The following KAZN variants were observed in gnomAD, a reference collection of about 807,000 sequenced individuals.
KAZN encodes the protein kazrin, periplakin interacting protein.
KAZN carries 40 observed loss-of-function variants against 87.4 expected under a neutral mutation model. The observed-to-expected ratio is 0.46, with a 90% confidence interval of 0.36 to 0.60. The LOEUF (loss-of-function observed/expected upper bound fraction) is 0.60. Ranked by LOEUF, KAZN falls within the 20% of genes least tolerant of loss-of-function variation. The pLI is 0.00. For missense variants in KAZN, 898 were observed against 1,073.9 expected (o/e 0.84, Z 2.29); for synonymous variants, 466 against 458.3 (o/e 1.02, Z -0.22).
chr1:14,617,186 T>C (rs1678316664), intron 1 of KAZN, among the ~76,000 whole-genome samples: 1 of 152,222 alleles, frequency 6.6e-6, no homozygotes, highest in Non-Finnish European at 1.5e-5. Flanking sequence ...GGCTGTTCTA[T>C]GATACAGGCA....
At chr1:14,969,963 G>A (rs1278331882) in intron 2 of KAZN, among the ~76,000 whole-genome samples, 4 of 152,016 alleles carry the variant, frequency 2.6e-5, no homozygotes, top group South Asian at 2.1e-4. Context: ...ACAGGCGCCC[G>A]CCACCACGCC....
intron 1 of KAZN, among the ~76,000 whole-genome samples, chr1:14,103,859 G>T (rs1182453530): frequency 6.6e-6 from 1 of 152,240 alleles, no homozygotes; most frequent in East Asian, 1.9e-4. Flanking sequence ...CGGAGACATC[G>T]TTGGGGGCCA....
chr1:14,544,351 T>TTTTTTTTTTTTTTTTTTG (rs1673003363), intron 2 of KAZN, among the ~76,000 whole-genome samples: 1 of 19,592 alleles, frequency 5.1e-5, no homozygotes, highest in Non-Finnish European at 1.3e-4. Context: ...TCTTTCTTTC[T>TTTTTTTTTTTTTTTTTTG]TTTTTTTTTT....
chr1:14,998,270 T>G (rs1054229161), intron 2 of KAZN, among the ~76,000 whole-genome samples: 5 of 152,218 alleles, frequency 3.3e-5, no homozygotes, highest in African/African-American at 1.2e-4. Flanking sequence ...GGTTTGGGAA[T>G]CCGCTGCAAT....
At chr1:13,985,350 T>C (rs1570456200) in intron 1 of KAZN, among the ~76,000 whole-genome samples, 2 of 151,950 alleles carry the variant, frequency 1.3e-5, no homozygotes, top group African/African-American at 2.4e-5. Flanking sequence ...ATGTGGCACA[T>C]ATACACCATG....
chr1:15,051,343 G>A (rs894486838), intron 4 of KAZN, among the ~76,000 whole-genome samples: 1 of 152,226 alleles, frequency 6.6e-6, no homozygotes, highest in East Asian at 1.9e-4. Flanking sequence ...CAGCCAAAAG[G>A]CAGGTGAGGG....
chr1:14,170,744 C>T (rs201384161), intron 1 of KAZN, among the ~76,000 whole-genome samples: 1 of 151,404 alleles, frequency 6.6e-6, no homozygotes, highest in Non-Finnish European at 1.5e-5. Flanking sequence ...TTTTCTGAGA[C>T]AGAGTCTCAC....
At chr1:13,940,102 G>A (rs546638270) in intron 1 of KAZN, among the ~76,000 whole-genome samples, 2 of 152,016 alleles carry the variant, frequency 1.3e-5, no homozygotes, top group African/African-American at 4.8e-5. Context: ...TTCTTTTTTT[G>A]TTGCATCCTT....
At chr1:14,060,381 A>G (rs911443790) in intron 1 of KAZN, among the ~76,000 whole-genome samples, 1 of 148,548 alleles carries the variant, frequency 6.7e-6, no homozygotes, top group African/African-American at 2.5e-5. Flanking sequence ...AAAAAAAAAA[A>G]AAGAATGAGG....
At chr1:14,745,262 G>GAAA (rs528235060) in intron 1 of KAZN, among the ~76,000 whole-genome samples, 3 of 99,362 alleles carry the variant, frequency 3.0e-5, no homozygotes, top group African/African-American at 1.0e-4. Flanking sequence ...AGAAAAAAAG[G>GAAA]AAAAAAAAAA....
intron 2 of KAZN, among the ~76,000 whole-genome samples, chr1:14,535,526 C>T (rs547793425): frequency 3.3e-5 from 5 of 151,996 alleles, no homozygotes; most frequent in Admixed American, 6.6e-5. Flanking sequence ...CTTAGCTGGG[C>T]GTGGTGGCGC....
At chr1:14,628,745 G>A (rs543616392) in intron 1 of KAZN, among the ~76,000 whole-genome samples, 5 of 152,262 alleles carry the variant, frequency 3.3e-5, no homozygotes, top group East Asian at 1.9e-4. Flanking sequence ...AAAGCTGGAC[G>A]GAGACATTCA....
intron 2 of KAZN, among the ~76,000 whole-genome samples, chr1:14,325,178 TC>T (rs1656320305): frequency 7.1e-6 from 1 of 141,718 alleles, no homozygotes; most frequent in African/African-American, 3.1e-5. Context: ...GTGCTCTCCC[TC>T]TCTCTCTCTC....
exon 1 of KAZN, chr1:13,893,750 C>A (rs1638925391): frequency 6.4e-7 from 1 of 1,550,536 alleles, no homozygotes; most frequent in African/African-American, 1.4e-5. Context: ...CCAACTTATG[C>A]AAGCAGGTAG....
At chr1:14,723,081 G>C (rs1274235805) in intron 1 of KAZN, among the ~76,000 whole-genome samples, 2 of 152,036 alleles carry the variant, frequency 1.3e-5, no homozygotes, top group South Asian at 2.1e-4. Context: ...AGCTGTGATC[G>C]TACCACTGCA....
intron 1 of KAZN, among the ~76,000 whole-genome samples, chr1:14,827,507 G>A (rs943050127): frequency 7.2e-5 from 11 of 152,162 alleles, no homozygotes; most frequent in African/African-American, 1.4e-4. Flanking sequence ...AACATGCGAC[G>A]TTTGCTTTTC....
chr1:14,635,496 G>A (rs150681258), intron 1 of KAZN, among the ~76,000 whole-genome samples: 13 of 152,296 alleles, frequency 8.5e-5, no homozygotes, highest in Non-Finnish European at 1.6e-4. Context: ...TGGGTGCCTC[G>A]CGGCTCTAGG....
intron 1 of KAZN, among the ~76,000 whole-genome samples, chr1:13,966,504 G>C (rs776994885): frequency 1.3e-5 from 2 of 152,166 alleles, no homozygotes; most frequent in African/African-American, 4.8e-5. Flanking sequence ...GGATGGACAG[G>C]GTCACTGACA....
chr1:14,445,375 C>T (rs750069314), intron 2 of KAZN, among the ~76,000 whole-genome samples: 4 of 152,092 alleles, frequency 2.6e-5, no homozygotes, highest in Non-Finnish European at 4.4e-5. Context: ...CACATATGCT[C>T]GGGGAGATCA....
Sources: gnomAD v4.1 joint callset for allele counts (sites outside exome capture counted in the v4.1 genomes callset) on GRCh38, gnomAD v4.1.1 for gene constraint, MANE v1.5 for transcripts, NCBI Gene and HGNC (gene_info 2026-07-23, HGNC 2026-07-21) for gene names.